Variants in CNTNAP4 observed in about 807,000 individuals in gnomAD.
CNTNAP4 encodes the protein contactin associated protein family member 4.
A neutral mutation model predicts 148.4 loss-of-function variants in CNTNAP4; 98 were observed. That is an observed-to-expected ratio of 0.66 (90% CI 0.56 to 0.78). CNTNAP4 has a LOEUF of 0.78. Ranked by LOEUF, CNTNAP4 falls within the 30% of genes least tolerant of loss-of-function variation. CNTNAP4 has a pLI of 0.00. For missense variants in CNTNAP4, 1,935 were observed against 1,565.6 expected, an observed-to-expected ratio of 1.24 and a Z score of -3.98; for synonymous variants, 730 against 565.1, an observed-to-expected ratio of 1.29 and a Z score of -4.14.
At chr16:76,395,603 GA>G (rs991359545) in intron 3 of CNTNAP4, among the ~76,000 whole-genome samples, 8 of 151,820 alleles carry the variant, frequency 5.3e-5, no homozygotes, top group African/African-American at 1.9e-4. Flanking sequence ...TATTTTATTG[GA>G]AAAAATAATA....
At chr16:76,437,742 A>G (rs1273993377) in intron 4 of CNTNAP4, among the ~76,000 whole-genome samples, 2 of 152,114 alleles carry the variant, frequency 1.3e-5, no homozygotes, top group Non-Finnish European at 2.9e-5. Context: ...AGAAGAGAGG[A>G]GTATCTCTTT....
chr16:76,306,662 C>T (rs1473730642), intron 1 of CNTNAP4, among the ~76,000 whole-genome samples: 1 of 152,130 alleles, frequency 6.6e-6, no homozygotes, highest in Non-Finnish European at 1.5e-5. Context: ...TCCACAATTC[C>T]AAATCAATTT....
intron 4 of CNTNAP4, among the ~76,000 whole-genome samples, chr16:76,435,744 C>T (rs549407664): frequency 3.0e-4 from 45 of 152,114 alleles, no homozygotes; most frequent in Non-Finnish European, 5.7e-4. Flanking sequence ...GCTTCCAGCT[C>T]GCTCACAGTG....
chr16:76,312,241 C>T (rs1280496639), intron 1 of CNTNAP4, among the ~76,000 whole-genome samples: 2 of 152,114 alleles, frequency 1.3e-5, no homozygotes, highest in African/African-American at 4.8e-5. Flanking sequence ...CCAGTAGATG[C>T]CAGAAGTATC....
In CNTNAP4 at chr16:76,476,007, G is replaced by C; in HGVS notation, c.1724G>C (p.Cys575Ser). Reference protein sequence around the residue: ...SQSWSTFHCNCTNTGYRGATC... With the variant: ...SQSWSTFHCNSTNTGYRGATC... ...TCCTGGAGCACCTTTCATTGTAACT[G>C]TACCAACACTGGTTACAGAGGAGCT... The change falls in exon 11 of 24, where the codon TGT becomes TCT. Residue 575 changes from cysteine to serine, a missense_variant. Cys to Ser is a moderately radical substitution (Grantham distance 112). Transcript: ENST00000611870. 6.2e-7 allele frequency: 1 copy of C among 1,613,676 alleles called. No homozygotes were observed.
At chr16:76,393,515 G>T (rs1187248936) in intron 3 of CNTNAP4, among the ~76,000 whole-genome samples, 4 of 152,112 alleles carry the variant, frequency 2.6e-5, no homozygotes, top group Non-Finnish European at 4.4e-5. Flanking sequence ...ATGAGACACA[G>T]TCCTGGGCCC....
At chr16:76,293,383 C>A (rs571885909) in intron 1 of CNTNAP4, among the ~76,000 whole-genome samples, 1 of 152,142 alleles carries the variant, frequency 6.6e-6, no homozygotes, top group Non-Finnish European at 1.5e-5. Flanking sequence ...TTCACAAGCA[C>A]CTTTAAGCAT....
chr16:76,292,123 T>C (rs1429917677), intron 1 of CNTNAP4, among the ~76,000 whole-genome samples: 1 of 152,186 alleles, frequency 6.6e-6, no homozygotes, highest in African/African-American at 2.4e-5. Context: ...GATTCTTGTA[T>C]TTCTCTAATA....
At chr16:76,499,650 C>T (rs543194884) in intron 15 of CNTNAP4, among the ~76,000 whole-genome samples, 47 of 150,146 alleles carry the variant, frequency 3.1e-4, no homozygotes, top group African/African-American at 1.0e-3. Flanking sequence ...GAGGGAAGGT[C>T]AGCAGATAAA....
rs924139021 is a variant in CNTNAP4 at position 76,347,599 on chromosome 16, G to A, written c.197-7719G>A. Among the ~76,000 whole-genome samples, 6 of 152,262 alleles carry A rather than the reference G, an allele frequency of 3.9e-5. No homozygotes were observed. The East Asian group carries it at 9.7e-4, about 25-fold the overall frequency. On this transcript the variant is annotated intron_variant, in intron 2 of 23. Coordinates refer to ENST00000611870, the MANE Select transcript of CNTNAP4 (RefSeq NM_033401.5). ...GGAGCAGAAGGAATTTTAAATGGGA[G>A]GACAGGAGATACAAGCCTCTAAGAC...
intron 23 of CNTNAP4, among the ~76,000 whole-genome samples, chr16:76,555,531 T>C (rs1326807321): frequency 1.3e-5 from 2 of 152,198 alleles, no homozygotes; most frequent in African/African-American, 4.8e-5. Context: ...TATTGCTTTT[T>C]CCAGACATTC....
intron 15 of CNTNAP4, among the ~76,000 whole-genome samples, chr16:76,515,944 CTTT>C (rs1022909751): frequency 1.5e-4 from 22 of 142,046 alleles, no homozygotes; most frequent in Admixed American, 1.2e-3. Context: ...TTCTATTTTA[CTTT>C]AAGTTCTGGG....
At chr16:76,384,697 G>C in intron 3 of CNTNAP4, among the ~76,000 whole-genome samples, 1 of 152,148 alleles carries the variant, frequency 6.6e-6, no homozygotes, top group Non-Finnish European at 1.5e-5. Flanking sequence ...TATTAGTCAT[G>C]CTTCATCATG....
At chr16:76,490,314 C>A (rs1483732325) in intron 13 of CNTNAP4, among the ~76,000 whole-genome samples, 1 of 152,162 alleles carries the variant, frequency 6.6e-6, no homozygotes, top group Admixed American at 6.5e-5. Context: ...TTGTTGACAG[C>A]CTCTGGGTAT....
At chr16:76,305,205 C>T (rs1960355865) in intron 1 of CNTNAP4, among the ~76,000 whole-genome samples, 1 of 152,154 alleles carries the variant, frequency 6.6e-6, no homozygotes, top group Admixed American at 6.6e-5. Context: ...GAAAAGTGAT[C>T]ATATAGTTAT....
At chr16:76,342,106 C>G (rs1340305701) in intron 2 of CNTNAP4, among the ~76,000 whole-genome samples, 4 of 152,148 alleles carry the variant, frequency 2.6e-5, no homozygotes, top group Non-Finnish European at 4.4e-5. Context: ...AGCATCATCC[C>G]TCAAGAATCA....
intron 1 of CNTNAP4, among the ~76,000 whole-genome samples, chr16:76,290,822 T>A (rs986532554): frequency 6.6e-6 from 1 of 152,186 alleles, no homozygotes; most frequent in Non-Finnish European, 1.5e-5. Context: ...TTAAACAATG[T>A]ACATTAATTT....
chr16:76,451,370 T>C (rs1390739449), intron 7 of CNTNAP4, among the ~76,000 whole-genome samples: 1 of 152,160 alleles, frequency 6.6e-6, no homozygotes, highest in Non-Finnish European at 1.5e-5. Flanking sequence ...CACATATTGA[T>C]TTGAATAAAT....
intron 15 of CNTNAP4, among the ~76,000 whole-genome samples, chr16:76,514,976 G>T (rs2083190292): frequency 6.6e-6 from 1 of 152,110 alleles, no homozygotes; most frequent in African/African-American, 2.4e-5. Flanking sequence ...GAAAAGGCTT[G>T]TTGGAATTTT....
Sources: gnomAD v4.1 joint callset for allele counts (sites outside exome capture counted in the v4.1 genomes callset) on GRCh38, gnomAD v4.1.1 for gene constraint, MANE v1.5 for transcripts, NCBI Gene and HGNC (gene_info 2026-07-23, HGNC 2026-07-21) for gene names.